Variants in HS6ST3 observed in about 807,000 individuals in gnomAD.
HS6ST3 encodes the protein heparan-sulfate 6-O-sulfotransferase 3.
A neutral mutation model predicts 36.7 loss-of-function variants in HS6ST3; 12 were observed. The ratio of observed to expected loss-of-function variants is 0.33; its 90% CI spans 0.21 to 0.53. HS6ST3 has a LOEUF of 0.53. Ranked by LOEUF, HS6ST3 falls within the 20% of genes least tolerant of loss-of-function variation. The pLI is 0.95. For synonymous variants in HS6ST3, 240 were observed against 257.5 expected (o/e 0.93, Z 0.65); for missense variants, 584 against 640.9 (o/e 0.91, Z 0.96).
chr13:96,679,579 A>T (rs1170288509), intron 1 of HS6ST3, among the ~76,000 whole-genome samples: 2 of 152,134 alleles, frequency 1.3e-5, no homozygotes, highest in African/African-American at 4.8e-5. Context: ...TAATTGCCCA[A>T]TGCAGAGCCA....
chr13:96,200,509 T>C (rs145226371), intron 1 of HS6ST3, among the ~76,000 whole-genome samples: 1 of 152,174 alleles, frequency 6.6e-6, no homozygotes, highest in African/African-American at 2.4e-5. Flanking sequence ...ATACCTTGGC[T>C]ATACTATCTA....
At chr13:96,111,488 C>G (rs1002366812) in intron 1 of HS6ST3, among the ~76,000 whole-genome samples, 1 of 152,092 alleles carries the variant, frequency 6.6e-6, no homozygotes, top group Admixed American at 6.5e-5. Context: ...ATCTTGGCTG[C>G]TAAGGCAAAT....
chr13:96,675,170 C>T (rs1271986163), intron 1 of HS6ST3, among the ~76,000 whole-genome samples: 2 of 152,076 alleles, frequency 1.3e-5, no homozygotes, highest in African/African-American at 4.8e-5. Flanking sequence ...TGCACAAATA[C>T]ACCCACTCTC....
At chr13:96,672,902 C>T (rs1175933816) in intron 1 of HS6ST3, among the ~76,000 whole-genome samples, 2 of 152,224 alleles carry the variant, frequency 1.3e-5, no homozygotes, top group Middle Eastern at 3.4e-3. Flanking sequence ...GTATTCATTT[C>T]GTCTGGTTGT....
At chr13:96,792,941 C>A (rs1877826936) in intron 1 of HS6ST3, among the ~76,000 whole-genome samples, 1 of 152,014 alleles carries the variant, frequency 6.6e-6, no homozygotes, top group African/African-American at 2.4e-5. Flanking sequence ...CTCTAATCAG[C>A]AACTTTTGCC....
rs117054920 is a variant in HS6ST3, at chr13:96,759,600, T to C, written c.708-72890T>C. On this transcript the variant is annotated intron_variant, in intron 1 of 1. Coordinates refer to ENST00000376705, the MANE Select transcript of HS6ST3 (RefSeq NM_153456.4). Reference sequence around the variant, plus strand: ...TATTCTTTGTGTTATTGTTGTGATATATTTTAAATCTACATATGTTGTTAA... The same window carrying C: ...TATTCTTTGTGTTATTGTTGTGATACATTTTAAATCTACATATGTTGTTAA... Among the ~76,000 whole-genome samples the C allele has an allele frequency of 4.8e-3, 727 of 152,060 alleles. 4 individuals carry two copies. Among genetic ancestry groups the C allele is most frequent in the Non-Finnish European group, 7.7e-3 (520 of 67,840 alleles).
intron 1 of HS6ST3, among the ~76,000 whole-genome samples, chr13:96,402,735 G>A (rs966458724): frequency 2.0e-5 from 3 of 152,322 alleles, no homozygotes; most frequent in Admixed American, 6.5e-5. Context: ...CACTCATGTG[G>A]TTGTGTCAGT....
chr13:96,700,033 A>C (rs138243896), intron 1 of HS6ST3, among the ~76,000 whole-genome samples: 2 of 152,314 alleles, frequency 1.3e-5, no homozygotes, highest in South Asian at 2.1e-4. Context: ...CCTGAATCCT[A>C]ATGAATTTAT....
At chr13:96,716,331 GA>G (rs1392578239) in intron 1 of HS6ST3, among the ~76,000 whole-genome samples, 1 of 151,996 alleles carries the variant, frequency 6.6e-6, no homozygotes, top group Non-Finnish European at 1.5e-5. Flanking sequence ...ATAAACTACT[GA>G]AAAGCATAAC....
chr13:96,186,879 G>A (rs1325555032), intron 1 of HS6ST3, among the ~76,000 whole-genome samples: 3 of 152,148 alleles, frequency 2.0e-5, no homozygotes, highest in Non-Finnish European at 4.4e-5. Flanking sequence ...TTGTCCTTCA[G>A]GTGCCACCAG....
At chr13:96,102,642 G>GA (rs1233743799) in intron 1 of HS6ST3, among the ~76,000 whole-genome samples, 2 of 152,120 alleles carry the variant, frequency 1.3e-5, no homozygotes, top group African/African-American at 4.8e-5. Flanking sequence ...TTAATGTAAT[G>GA]AAAAAATCAA....
intron 1 of HS6ST3, among the ~76,000 whole-genome samples, chr13:96,672,826 T>A (rs2056686934): frequency 6.6e-6 from 1 of 152,172 alleles, no homozygotes; most frequent in South Asian, 2.1e-4. Context: ...TCTTTTATCT[T>A]CTTCTATCTT....
intron 1 of HS6ST3, among the ~76,000 whole-genome samples, chr13:96,502,639 G>A (rs2056009772): frequency 6.6e-6 from 1 of 152,132 alleles, no homozygotes; most frequent in Admixed American, 6.6e-5. Context: ...CCCGAAGTAA[G>A]AATTCCGTAC....
Position 96,383,450 on chromosome 13 carries a change from G to GA in HS6ST3, c.707+291890dup, listed in dbSNP as rs202028896. Among the ~76,000 whole-genome samples, 486 of 150,316 alleles carry GA rather than the reference G, an allele frequency of 3.2e-3. 6 individuals are homozygous for GA. The highest frequency in any genetic ancestry group is 0.011 in the African/African-American group (460 of 40,954). On this transcript the variant is annotated intron_variant, in intron 1 of 1. Coordinates refer to ENST00000376705, the MANE Select transcript of HS6ST3 (RefSeq NM_153456.4). ...ATTGAGCAAGACTTGGTCTCAAAAA[G>GA]AAAAAAAAAGTGGGAGAGAGGGACT... is the stretch of plus-strand genomic sequence containing the variant.
chr13:96,110,728 A>G (rs537612784), intron 1 of HS6ST3, among the ~76,000 whole-genome samples: 2 of 152,218 alleles, frequency 1.3e-5, no homozygotes, highest in East Asian at 1.9e-4. Context: ...CTGGCCGGGG[A>G]TCACATTTCA....
intron 1 of HS6ST3, among the ~76,000 whole-genome samples, chr13:96,810,372 C>T (rs1463926583): frequency 6.6e-6 from 1 of 152,176 alleles, no homozygotes; most frequent in African/African-American, 2.4e-5. Flanking sequence ...CAACCAGGCA[C>T]ATTGGAAGTG....
At chr13:96,329,867 T>C (rs1304980128) in intron 1 of HS6ST3, among the ~76,000 whole-genome samples, 1 of 136,902 alleles carries the variant, frequency 7.3e-6, no homozygotes, top group Admixed American at 7.3e-5. Context: ...TGGGTGCTCC[T>C]GTATTGGGTG....
chr13:96,197,042 A>T (rs369189236), intron 1 of HS6ST3, among the ~76,000 whole-genome samples: 21 of 152,198 alleles, frequency 1.4e-4, no homozygotes, highest in East Asian at 9.6e-4. Flanking sequence ...TTCACAGAGG[A>T]CTGGCTCATT....
intron 1 of HS6ST3, among the ~76,000 whole-genome samples, chr13:96,765,716 T>C (rs1327399664): frequency 6.6e-6 from 1 of 152,086 alleles, no homozygotes; most frequent in Non-Finnish European, 1.5e-5. Context: ...TGACAAAGAA[T>C]ATGGTAATGT....
Sources: gnomAD v4.1 joint callset for allele counts (sites outside exome capture counted in the v4.1 genomes callset) on GRCh38, gnomAD v4.1.1 for gene constraint, MANE v1.5 for transcripts, NCBI Gene and HGNC (gene_info 2026-07-23, HGNC 2026-07-21) for gene names.